PIEZO2: variants seen among roughly 807,000 people sequenced by gnomAD.
PIEZO2 encodes piezo-type mechanosensitive ion channel component 2.
In PIEZO2, 172 loss-of-function variants were observed where a neutral mutation model predicts 337.3. That is an observed-to-expected ratio of 0.51 (90% CI 0.45 to 0.58). The LOEUF is 0.58. PIEZO2 is among the 20% of genes least tolerant of loss of function. PIEZO2 has a pLI of 0.00. For missense variants in PIEZO2, 3,028 were observed against 3,391.3 expected (o/e 0.89, Z 2.66); for synonymous variants, 1,251 against 1,228.5 (o/e 1.02, Z -0.38).
chr18:11,143,145 A>AT lies in PIEZO2; in HGVS notation c.64+5379dup, dbSNP rs200136045. On this transcript the variant is annotated intron_variant, in intron 1 of 55. Transcript: ENST00000674853. The surrounding 1 kb of genome is among the most constrained non-coding windows in gnomAD (Gnocchi z 4.9). The stretch of plus-strand genomic sequence containing the variant: ...TTGTTTTTAGCCTCAGTTCAATGGG[A>AT]TTTTTTTTTGACTGATTCCATGTCC... 7.4e-3 allele frequency among the ~76,000 whole-genome samples: 1,123 copies of AT among 151,788 alleles called. 5 individuals are homozygous for AT. Among genetic ancestry groups the AT allele is most frequent in the African/African-American group, 0.014 (586 of 41,430 alleles).
At chr18:10,923,457 G>A (rs1396646866) in intron 3 of PIEZO2, among the ~76,000 whole-genome samples, 1 of 152,174 alleles carries the variant, frequency 6.6e-6, no homozygotes, top group East Asian at 1.9e-4. Flanking sequence ...AATGAAGCAA[G>A]AGTGGCTGTG....
At chr18:10,704,167 C>T (rs1256376108) in intron 42 of PIEZO2, 6 of 575,920 alleles carry the variant, frequency 1.0e-5, no homozygotes, top group East Asian at 5.9e-5. Context: ...CAGTACCCGC[C>T]GTGCGTGAGG....
intron 2 of PIEZO2, among the ~76,000 whole-genome samples, chr18:11,049,206 T>C (rs577468906): frequency 6.6e-5 from 10 of 152,208 alleles, no homozygotes; most frequent in Non-Finnish European, 1.0e-4. Context: ...TGAGTTCTTG[T>C]GAACAGCACT....
At chr18:10,812,452 A>C (rs1358735496) in intron 7 of PIEZO2, among the ~76,000 whole-genome samples, 1 of 152,186 alleles carries the variant, frequency 6.6e-6, no homozygotes, top group African/African-American at 2.4e-5. Flanking sequence ...GGGTGATGAA[A>C]TCATCTGTAT....
At chr18:11,018,171 G>A (rs1417051610) in intron 2 of PIEZO2, among the ~76,000 whole-genome samples, 3 of 151,312 alleles carry the variant, frequency 2.0e-5, no homozygotes, top group Non-Finnish European at 4.4e-5. Context: ...CATTACTCCG[G>A]TTCCTGCCTC....
rs924943134 is a variant in PIEZO2 at position 10,988,847 on chromosome 18, A to T, written c.161-9187T>A. Reference sequence around the variant, plus strand: ...TAAGCTAGACACAAACAAATACTACATGATCTCATGTATATGTGGAATCTA... The same window carrying T: ...TAAGCTAGACACAAACAAATACTACTTGATCTCATGTATATGTGGAATCTA... On this transcript the variant is annotated intron_variant, in intron 2 of 55. Transcript: ENST00000674853. This position sits in a 1 kb window ranked among gnomAD's most constrained non-coding sequence, Gnocchi z 4.8. Among the ~76,000 whole-genome samples the T allele has an allele frequency of 6.6e-6, 1 of 152,164 alleles. No individual in the cohort carries two copies. The highest frequency in any genetic ancestry group is 6.5e-5 in the Admixed American group (1 of 15,268).
chr18:10,904,814 C>T (rs140744230), intron 4 of PIEZO2, among the ~76,000 whole-genome samples: 24 of 152,300 alleles, frequency 1.6e-4, no homozygotes, highest in African/African-American at 5.3e-4. Flanking sequence ...GGGTTGTTCG[C>T]CCAGCATAAC....
At chr18:11,022,175 T>C (rs2036336227) in intron 2 of PIEZO2, among the ~76,000 whole-genome samples, 1 of 152,170 alleles carries the variant, frequency 6.6e-6, no homozygotes, top group South Asian at 2.1e-4. Context: ...CCCTAGAGGC[T>C]GCACCTTCTC....
intron 10 of PIEZO2, 81 bp downstream of exon 10, chr18:10,801,309 T>C (rs2039806124): frequency 9.7e-6 from 12 of 1,235,178 alleles, no homozygotes; most frequent in Non-Finnish European, 8.9e-6. Context: ...ATCATTAAAA[T>C]AGACTCAAAG....
At chr18:11,025,057 C>T (rs1598846922) in intron 2 of PIEZO2, among the ~76,000 whole-genome samples, 1 of 151,892 alleles carries the variant, frequency 6.6e-6, no homozygotes, top group African/African-American at 2.4e-5. Flanking sequence ...TTTCTATAAG[C>T]GTCCTCTCTC....
chr18:10,742,171 A>C (rs1386785267), intron 32 of PIEZO2, among the ~76,000 whole-genome samples: 1 of 152,208 alleles, frequency 6.6e-6, no homozygotes, highest in African/African-American at 2.4e-5. Flanking sequence ...AAAACAAAAC[A>C]AAACCAAAAA....
rs140562470 is a variant in PIEZO2, at chr18:10,802,466, T to C, written c.1201-1038A>G. On this transcript the variant is annotated intron_variant, in intron 9 of 55. Transcript: ENST00000674853. ...TTTAAAAAAACCCATTGTGTGTTAG[T>C]ATAAATAATTTAAATAGTTATTTTT... is the stretch of plus-strand genomic sequence containing the variant. Among the ~76,000 whole-genome samples, 260 of 152,344 alleles carry C rather than the reference T, an allele frequency of 1.7e-3. 4 individuals carry two copies. The highest frequency in any genetic ancestry group is 6.8e-3 in the Middle Eastern group (2 of 294).
At chr18:10,696,320 A>G (rs2035081107) in intron 46 of PIEZO2, 32 bp from the exon 47 acceptor site, 1 of 1,613,740 alleles carries the variant, frequency 6.2e-7, no homozygotes, top group Non-Finnish European at 8.5e-7. Flanking sequence ...CATGCCCAAG[A>G]GAGGCAATTC....
chr18:11,142,062 C>T lies in PIEZO2; in HGVS notation c.64+6463G>A, dbSNP rs140226043. On this transcript the variant is annotated intron_variant, in intron 1 of 55. Coordinates refer to ENST00000674853, the MANE Select transcript of PIEZO2 (RefSeq NM_001378183.1). ...AATGCAGAATTGTGCCCAAACAGTACGGCACAAAAGGGGAATTTAAAAATA... is the reference window on the plus strand; with the variant it reads ...AATGCAGAATTGTGCCCAAACAGTATGGCACAAAAGGGGAATTTAAAAATA... 6.6e-5 allele frequency among the ~76,000 whole-genome samples: 10 copies of T among 152,176 alleles called. No homozygotes were observed. In the South Asian group the frequency reaches 8.3e-4, roughly 13 times the overall value.
intron 18 of PIEZO2, among the ~76,000 whole-genome samples, chr18:10,776,717 T>C (rs1322762660): frequency 5.9e-5 from 9 of 152,188 alleles, no homozygotes; most frequent in African/African-American, 1.4e-4. Flanking sequence ...TCTGCACAAA[T>C]GCAAGCTTTC....
chr18:10,682,814 A>G lies in PIEZO2; in HGVS notation c.7498-522T>C, dbSNP rs565594829. Among the ~76,000 whole-genome samples the G allele has an allele frequency of 1.2e-3, 167 of 140,324 alleles. 1 individual carries two copies. Among genetic ancestry groups the G allele is most frequent in the African/African-American group, 4.0e-3 (160 of 39,520 alleles). 92.1% of individuals were successfully genotyped at this position (140,324 alleles called of 152,430 possible). A position where few individuals can be genotyped will look rare whatever the true frequency, so the allele number is the denominator to read the frequency against. ...GTTCGACACCTAAGGTAAGATTTGT[A>G]TGATTAGAAGAGCCCCCTCTGGGCA... On this transcript the variant is annotated intron_variant, in intron 49 of 55. Transcript: ENST00000674853. The surrounding 1 kb of genome is among the most constrained non-coding windows in gnomAD (Gnocchi z 5.6).
Position 10,859,687 on chromosome 18 carries a change from T to C in PIEZO2, c.493-2476A>G, listed in dbSNP as rs7233369. 0.088 allele frequency among the ~76,000 whole-genome samples: 13,431 copies of C among 152,296 alleles called. 1,924 individuals are homozygous for C. Among genetic ancestry groups the C allele is most frequent in the African/African-American group, 0.3 (12,504 of 41,528 alleles). On this transcript the variant is annotated intron_variant, in intron 5 of 55. Transcript: ENST00000674853. The surrounding 1 kb of genome is among the most constrained non-coding windows in gnomAD (Gnocchi z 4.9). The stretch of plus-strand genomic sequence containing the variant: ...CCAGCAGAGTGGGCTGGACTCACCA[T>C]TCCATTTAGAGTAAAAATGCTTCCC...
chr18:10,734,236 T>G (rs1176830911), intron 35 of PIEZO2, among the ~76,000 whole-genome samples: 1 of 152,094 alleles, frequency 6.6e-6, no homozygotes, highest in East Asian at 1.9e-4. Context: ...GGAAAAGAAT[T>G]TGGGAGAAGC....
chr18:11,040,735 T>G (rs1387237915), intron 2 of PIEZO2, among the ~76,000 whole-genome samples: 1 of 152,130 alleles, frequency 6.6e-6, no homozygotes, highest in East Asian at 1.9e-4. Flanking sequence ...GCGAAAAAAG[T>G]GTATTTTGGT....
Sources: gnomAD v4.1 joint callset for allele counts (sites outside exome capture counted in the v4.1 genomes callset) on GRCh38, gnomAD v4.1.1 for gene constraint, Gnocchi (gnomAD v3.1) non-coding constraint, MANE v1.5 for transcripts, NCBI Gene and HGNC (gene_info 2026-07-23, HGNC 2026-07-21) for gene names.